Variants in TMEM154 observed in about 807,000 individuals in gnomAD.
The protein encoded by TMEM154 is transmembrane protein 154.
A neutral mutation model predicts 24.5 loss-of-function variants in TMEM154; 27 were observed. The observed-to-expected ratio is 1.10, with a 90% confidence interval of 0.81 to 1.52. TMEM154 has a LOEUF of 1.52. TMEM154 is among the 40% of genes most tolerant of loss of function. TMEM154 has a pLI of 0.00. For synonymous variants in TMEM154, 67 were observed against 76.8 expected, an observed-to-expected ratio of 0.87 and a Z score of 0.67; for missense variants, 228 against 213.4, an observed-to-expected ratio of 1.07 and a Z score of -0.43.
At chr4:152,674,815 T>C (rs1728917954) in intron 1 of TMEM154, among the ~76,000 whole-genome samples, 1 of 152,166 alleles carries the variant, frequency 6.6e-6, no homozygotes, top group African/African-American at 2.4e-5. Context: ...TGAGCCATCC[T>C]CGGTGTACCA....
intron 6 of TMEM154, among the ~76,000 whole-genome samples, chr4:152,637,199 A>G (rs1752166321): frequency 6.6e-6 from 1 of 152,130 alleles, no homozygotes; most frequent in Non-Finnish European, 1.5e-5. Flanking sequence ...TGGGAGGGGG[A>G]AGAACAATTG....
At chr4:152,644,331 CA>C (rs1419151666) in intron 4 of TMEM154, 83 bp downstream of exon 4, 5 of 1,513,010 alleles carry the variant, frequency 3.3e-6, no homozygotes, top group Non-Finnish European at 4.6e-6. Context: ...GATGTCAGAA[CA>C]AAAACACCTG....
Position 152,626,299 on chromosome 4 carries a change from TG to T in TMEM154, c.*2246del, listed in dbSNP as rs1751919802. ...TAGGGCAAATTAGTGAGGGTTTTTT[TG>T]GTTTTTGTTTTGTTTTTTTAACAAT... On this transcript the variant is annotated 3_prime_UTR_variant, in exon 7 of 7. Transcript: ENST00000304385. The T allele has an allele frequency of 6.6e-6, 1 of 152,538 alleles. No homozygotes were observed. Among genetic ancestry groups the T allele is most frequent in the Admixed American group, 6.5e-5 (1 of 15,270 alleles). 9.4% of individuals were successfully genotyped at this position (152,538 alleles called of 1,614,324 possible). A position where few individuals can be genotyped will look rare whatever the true frequency, so the allele number is the denominator to read the frequency against.
intron 1 of TMEM154, among the ~76,000 whole-genome samples, chr4:152,656,359 C>T (rs1011577669): frequency 1.9e-4 from 29 of 152,128 alleles, no homozygotes; most frequent in Admixed American, 1.8e-3. Context: ...GACAGATATG[C>T]TCAACCCACC....
At chr4:152,646,712 ACTC>A (rs1728247854) in intron 3 of TMEM154, 2 of 469,022 alleles carry the variant, frequency 4.3e-6, no homozygotes, top group Non-Finnish European at 7.6e-6. Context: ...GCCTGACAGT[ACTC>A]TCCTCTCAGA....
chr4:152,663,770 C>T (rs1728663641), intron 1 of TMEM154, among the ~76,000 whole-genome samples: 1 of 152,218 alleles, frequency 6.6e-6, no homozygotes. Context: ...TATTGTTTAT[C>T]CAAAAATCTT....
intron 1 of TMEM154, among the ~76,000 whole-genome samples, chr4:152,671,499 G>C (rs1302121057): frequency 6.6e-6 from 1 of 152,016 alleles, no homozygotes; most frequent in Non-Finnish European, 1.5e-5. Context: ...TGTAATCCCA[G>C]CACTTTGGGA....
Position 152,627,433 on chromosome 4 carries a change from G to A in TMEM154, c.*1113C>T, listed in dbSNP as rs192804558. 1.4e-4 allele frequency: 22 copies of A among 152,316 alleles called. No individual in the cohort carries two copies. Among genetic ancestry groups the A allele is most frequent in the Non-Finnish European group, 1.5e-5 (1 of 68,024 alleles). 9.4% of individuals were successfully genotyped at this position (152,316 alleles called of 1,614,324 possible). On this transcript the variant is annotated 3_prime_UTR_variant, in exon 7 of 7. Transcript: ENST00000304385. ...TTTAGAAAATTAAGGAATAAATGAAGAACAATTTTACTGGAGTAGGTGTGG... is the reference window on the plus strand; with the variant it reads ...TTTAGAAAATTAAGGAATAAATGAAAAACAATTTTACTGGAGTAGGTGTGG...
chr4:152,658,264 T>C (rs1728529189), intron 1 of TMEM154, among the ~76,000 whole-genome samples: 1 of 152,146 alleles, frequency 6.6e-6, no homozygotes. Context: ...CACACCATGC[T>C]AAAACCTATG....
rs1751923583 is a variant in TMEM154 at position 152,626,472 on chromosome 4, T to C, written c.*2074A>G. The C allele has an allele frequency of 1.3e-5, 2 of 152,230 alleles. No homozygotes were observed. The highest frequency in any genetic ancestry group is 4.1e-4 in the South Asian group (2 of 4,832). The allele number at this position is 152,230 out of a possible 1,614,324, so 9.4% of individuals were successfully genotyped here. A position where few individuals can be genotyped will look rare whatever the true frequency, so the allele number is the denominator to read the frequency against. On this transcript the variant is annotated 3_prime_UTR_variant, in exon 7 of 7. Coordinates refer to ENST00000304385, the MANE Select transcript of TMEM154 (RefSeq NM_152680.3). ...GTTCTGGCTGTATACTAACTTCATA[T>C]ACCCTGACAGAATAAACTATCTTTT...
chr4:152,663,459 C>A (rs1309265448), intron 1 of TMEM154, among the ~76,000 whole-genome samples: 1 of 152,216 alleles, frequency 6.6e-6, no homozygotes, highest in Non-Finnish European at 1.5e-5. Context: ...AGGTTAGAAG[C>A]AGAAAGGTGT....
At chr4:152,666,100 T>C (rs887283627) in intron 1 of TMEM154, among the ~76,000 whole-genome samples, 5 of 151,980 alleles carry the variant, frequency 3.3e-5, no homozygotes, top group African/African-American at 7.3e-5. Flanking sequence ...ATTTGCATTT[T>C]CAACAAGTAA....
chr4:152,669,576 A>AT (rs1728786314), intron 1 of TMEM154: 1 of 152,240 alleles, frequency 6.6e-6, no homozygotes, highest in Admixed American at 6.5e-5. Flanking sequence ...GTTGTCCTAT[A>AT]TTTTTATTTG....
chr4:152,626,606 A>T lies in TMEM154; in HGVS notation c.*1940T>A, dbSNP rs1561041723. ...AATTTGAAATTATTTAAAATACTGC[A>T]TGAGAATATTTTTATCATATTATAT... On this transcript the variant is annotated 3_prime_UTR_variant, in exon 7 of 7. Coordinates refer to ENST00000304385, the MANE Select transcript of TMEM154 (RefSeq NM_152680.3). 6.6e-6 allele frequency: 1 copy of T among 152,328 alleles called. No homozygotes were observed. Among genetic ancestry groups the T allele is most frequent in the East Asian group, 1.9e-4 (1 of 5,192 alleles). 9.4% of individuals were successfully genotyped at this position (152,328 alleles called of 1,614,324 possible).
intron 6 of TMEM154, among the ~76,000 whole-genome samples, chr4:152,640,576 T>C (rs1752236001): frequency 6.6e-6 from 1 of 152,192 alleles, no homozygotes; most frequent in Non-Finnish European, 1.5e-5. Flanking sequence ...CCTCCATCTG[T>C]TTTCCTTACC....
intron 6 of TMEM154, among the ~76,000 whole-genome samples, chr4:152,632,912 G>T (rs1338316341): frequency 6.6e-6 from 1 of 151,964 alleles, no homozygotes; most frequent in Non-Finnish European, 1.5e-5. Context: ...TTATTGTTTT[G>T]TAAACAATAA....
At position 152,626,499 on chromosome 4, in the gene TMEM154, A is replaced by T. The variant is rs1751923930; in HGVS notation, c.*2047T>A. Reference sequence around the variant, plus strand: ...CCCTGACAGAATAAACTATCTTTTTAAAAAGTGCTTTGTACACTGCACAAT... The same window carrying T: ...CCCTGACAGAATAAACTATCTTTTTTAAAAGTGCTTTGTACACTGCACAAT... On this transcript the variant is annotated 3_prime_UTR_variant, in exon 7 of 7. Coordinates refer to ENST00000304385, the MANE Select transcript of TMEM154 (RefSeq NM_152680.3). 1 of 152,228 alleles carries T rather than the reference A, an allele frequency of 6.6e-6. No individual in the cohort carries two copies. 9.4% of individuals were successfully genotyped at this position (152,228 alleles called of 1,614,324 possible).
chr4:152,628,918 T>A (rs1393973663), intron 6 of TMEM154, among the ~76,000 whole-genome samples: 1 of 151,946 alleles, frequency 6.6e-6, no homozygotes. Flanking sequence ...GTGCTGGAAT[T>A]ACAGGTGTGA....
chr4:152,675,571 G>C (rs1160631765), intron 1 of TMEM154, among the ~76,000 whole-genome samples: 1 of 152,018 alleles, frequency 6.6e-6, no homozygotes, highest in Non-Finnish European at 1.5e-5. Flanking sequence ...AGGTTGCGGT[G>C]AGCCAAGATC....
Sources: gnomAD v4.1 joint callset for allele counts (sites outside exome capture counted in the v4.1 genomes callset) on GRCh38, gnomAD v4.1.1 for gene constraint, MANE v1.5 for transcripts, NCBI Gene and HGNC (gene_info 2026-07-23, HGNC 2026-07-21) for gene names.